KCNH1: variants seen among roughly 807,000 people sequenced by gnomAD.
The protein encoded by KCNH1 is potassium voltage-gated channel subfamily H member 1, also known as voltage-gated delayed rectifier potassium channel KCNH1.
A neutral mutation model predicts 69.2 loss-of-function variants in KCNH1; 27 were observed. The ratio of observed to expected loss-of-function variants is 0.39; its 90% CI spans 0.29 to 0.54. The LOEUF (loss-of-function observed/expected upper bound fraction) is 0.54, where lower values mean the gene tolerates loss of function less well. Among genes scored for constraint, KCNH1 ranks in the 20% least tolerant of loss-of-function variants. The probability of loss-of-function intolerance (pLI) is 0.68; values close to 1 mark genes in which losing one functional copy is unlikely to be tolerated. For synonymous variants in KCNH1, 456 were observed against 487.7 expected (o/e 0.93, Z 0.86); for missense variants, 798 against 1,261.6 (o/e 0.63, Z 5.57).
In KCNH1 at chr1:210,680,013, A is replaced by G. The variant is rs1226737082; in HGVS notation, c.*3268T>C. On this transcript the variant is annotated 3_prime_UTR_variant, in exon 11 of 11. Transcript: ENST00000271751. ...ACTAGACAATTTGGTTTCTCAACCA[A>G]ATGGTCGTCTCTGTTTCCGTCCTTT... 3 of 152,144 alleles carry G rather than the reference A, an allele frequency of 2.0e-5. No individual in the cohort carries two copies. Among genetic ancestry groups the G allele is most frequent in the African/African-American group, 7.2e-5 (3 of 41,410 alleles). The allele number at this position is 152,144 out of a possible 1,614,324, so 9.4% of individuals were successfully genotyped here.
At chr1:210,847,946 G>A (rs1685597668) in intron 7 of KCNH1, among the ~76,000 whole-genome samples, 1 of 152,054 alleles carries the variant, frequency 6.6e-6, no homozygotes, top group Non-Finnish European at 1.5e-5. Context: ...AGACTGAAAG[G>A]GTGGGCCAGA....
At chr1:210,831,140 A>T (rs1055648161) in intron 7 of KCNH1, among the ~76,000 whole-genome samples, 1 of 152,210 alleles carries the variant, frequency 6.6e-6, no homozygotes, top group Non-Finnish European at 1.5e-5. Flanking sequence ...TTCTCCAAAC[A>T]TATAGGCCAA....
At chr1:210,710,513 G>T (rs1158448636) in intron 10 of KCNH1, among the ~76,000 whole-genome samples, 1 of 152,138 alleles carries the variant, frequency 6.6e-6, no homozygotes, top group Non-Finnish European at 1.5e-5. Flanking sequence ...AAAATTAAGT[G>T]TGCTACAATG....
At chr1:210,810,370 C>T (rs2102414430) in intron 7 of KCNH1, among the ~76,000 whole-genome samples, 1 of 152,228 alleles carries the variant, frequency 6.6e-6, no homozygotes, top group East Asian at 1.9e-4. Flanking sequence ...CACCTTTTTG[C>T]TATGGTTCCA....
At chr1:211,044,581 C>G (rs1198905114) in intron 5 of KCNH1, among the ~76,000 whole-genome samples, 1 of 151,980 alleles carries the variant, frequency 6.6e-6, no homozygotes, top group Non-Finnish European at 1.5e-5. Flanking sequence ...AAATTAATCC[C>G]ATCAAAAAGT....
chr1:211,011,694 G>A (rs1050632655), intron 6 of KCNH1, among the ~76,000 whole-genome samples: 1 of 152,110 alleles, frequency 6.6e-6, no homozygotes, highest in Admixed American at 6.5e-5. Flanking sequence ...ACTTCCTGCT[G>A]TTAGAAATGG....
At chr1:210,845,594 T>C (rs1352595590) in intron 7 of KCNH1, among the ~76,000 whole-genome samples, 5 of 152,154 alleles carry the variant, frequency 3.3e-5, no homozygotes, top group Non-Finnish European at 7.3e-5. Context: ...TAATGAGAGC[T>C]ATCTATGACA....
At chr1:210,931,270 T>C (rs1687675654) in intron 6 of KCNH1, among the ~76,000 whole-genome samples, 2 of 152,150 alleles carry the variant, frequency 1.3e-5, no homozygotes, top group Admixed American at 6.5e-5. Flanking sequence ...AGCCCAAATG[T>C]GCGTCAATCA....
intron 6 of KCNH1, among the ~76,000 whole-genome samples, chr1:210,953,461 C>T (rs1258907696): frequency 6.6e-6 from 1 of 152,160 alleles, no homozygotes; most frequent in African/African-American, 2.4e-5. Flanking sequence ...TTTTGTCTTA[C>T]CCTGGCTTCT....
intron 1 of KCNH1, among the ~76,000 whole-genome samples, chr1:211,115,723 A>ATATATATATATT (rs1691564603): frequency 7.1e-6 from 1 of 140,136 alleles, no homozygotes; most frequent in Non-Finnish European, 1.6e-5. Context: ...ATATGTATAT[A>ATATATATATATT]TATATATACA....
intron 5 of KCNH1, among the ~76,000 whole-genome samples, chr1:211,035,956 C>T (rs1343632895): frequency 2.6e-5 from 4 of 152,200 alleles, no homozygotes; most frequent in Non-Finnish European, 5.9e-5. Context: ...CAGGTGACAG[C>T]ATTGCTCTGA....
At chr1:210,914,962 A>G (rs930232780) in intron 7 of KCNH1, among the ~76,000 whole-genome samples, 6 of 152,174 alleles carry the variant, frequency 3.9e-5, no homozygotes, top group Non-Finnish European at 8.8e-5. Flanking sequence ...CTGACTTACA[A>G]TGACAGGATG....
chr1:210,838,381 T>C, intron 7 of KCNH1, among the ~76,000 whole-genome samples: 1 of 151,922 alleles, frequency 6.6e-6, no homozygotes, highest in South Asian at 2.1e-4. Context: ...AACCCAAATA[T>C]AAAACCCCTT....
intron 1 of KCNH1, among the ~76,000 whole-genome samples, chr1:211,116,677 C>G (rs937392109): frequency 3.3e-5 from 5 of 152,196 alleles, no homozygotes; most frequent in Admixed American, 2.6e-4. Flanking sequence ...GTCTGTCATA[C>G]TTGCCTATGC....
intron 10 of KCNH1, among the ~76,000 whole-genome samples, chr1:210,722,096 T>A (rs1480860117): frequency 1.3e-5 from 2 of 152,150 alleles, no homozygotes; most frequent in Non-Finnish European, 2.9e-5. Context: ...AGCTGGATCC[T>A]CACAAGGGAT....
chr1:210,956,252 C>T lies in KCNH1; in HGVS notation c.1033-36183G>A, dbSNP rs1688174673. ...TAAGACTTGCATCCCAGGGATGAAG[C>T]CAACTTGATCATGGTGGAAAAGATT... On this transcript the variant is annotated intron_variant, in intron 6 of 10. Transcript: ENST00000271751. Among the ~76,000 whole-genome samples the T allele has an allele frequency of 2.0e-5, 3 of 152,142 alleles. No homozygotes were observed. In the South Asian group the frequency reaches 6.2e-4, roughly 32 times the overall value.
intron 7 of KCNH1, among the ~76,000 whole-genome samples, chr1:210,911,943 A>T (rs1385939451): frequency 6.6e-6 from 1 of 152,066 alleles, no homozygotes; most frequent in Non-Finnish European, 1.5e-5. Context: ...CCGACCAAAC[A>T]CACATCACAA....
chr1:210,903,474 A>G (rs1205239617), intron 7 of KCNH1, among the ~76,000 whole-genome samples: 8 of 152,202 alleles, frequency 5.3e-5, no homozygotes, highest in Non-Finnish European at 1.5e-5. Context: ...CACTCTAAGC[A>G]TGGATGGTGA....
At chr1:210,797,404 G>A in intron 9 of KCNH1, 104 bp downstream of exon 9, 1 of 1,289,032 alleles carries the variant, frequency 7.8e-7, no homozygotes, top group Non-Finnish European at 1.1e-6. Context: ...AATTGGCCCT[G>A]CCCTATGAAG....
Sources: allele counts gnomAD v4.1 joint callset (sites outside exome capture counted in the v4.1 genomes callset), GRCh38; gene constraint gnomAD v4.1.1; transcripts MANE v1.5; gene names NCBI Gene and HGNC (gene_info 2026-07-23, HGNC 2026-07-21).